The following GLRB variants were observed in gnomAD, a reference collection of about 807,000 sequenced individuals.
The protein encoded by GLRB is glycine receptor beta.
GLRB carries 33 observed loss-of-function variants against 54.2 expected under a neutral mutation model. The ratio of observed to expected loss-of-function variants is 0.61; its 90% CI spans 0.46 to 0.81. The LOEUF (loss-of-function observed/expected upper bound fraction) is 0.81. GLRB is among the 40% of genes least tolerant of loss of function. The probability of loss-of-function intolerance (pLI) is 0.00; values close to 1 mark genes in which losing one functional copy is unlikely to be tolerated. For missense variants in GLRB, 572 were observed against 584.6 expected (o/e 0.98, Z 0.22); for synonymous variants, 209 against 208.2 (o/e 1.00, Z -0.03).
At chr4:157,137,070 A>G (rs1736431488) in intron 6 of GLRB, among the ~76,000 whole-genome samples, 184 bp downstream of exon 6, 1 of 152,200 alleles carries the variant, frequency 6.6e-6, no homozygotes, top group Non-Finnish European at 1.5e-5. Context: ...ACTTGTATTA[A>G]GATAAATCAT....
At position 157,106,326 on chromosome 4, in the gene GLRB, TTC is replaced by T. The variant is rs1241231775; in HGVS notation, c.123-14224_123-14223del. Among the ~76,000 whole-genome samples the T allele has an allele frequency of 1.2e-4, 18 of 152,172 alleles. 1 individual carries two copies. Among genetic ancestry groups the T allele is most frequent in the African/African-American group, 3.6e-4 (15 of 41,464 alleles). The stretch of plus-strand genomic sequence containing the variant: ...GGCTTTTAGCCTGATGCTTTCTCAA[TTC>T]TCTCTGTTTTTGCTCTTGACAATGT... On this transcript the variant is annotated intron_variant, in intron 2 of 9. Transcript: ENST00000264428.
At chr4:157,085,407 C>A (rs888358969) in intron 2 of GLRB, among the ~76,000 whole-genome samples, 1 of 152,040 alleles carries the variant, frequency 6.6e-6, no homozygotes, top group African/African-American at 2.4e-5. Flanking sequence ...TGCCCAGCCA[C>A]CATTATTTTT....
chr4:157,085,232 C>G (rs1221356422), intron 2 of GLRB, among the ~76,000 whole-genome samples: 5 of 151,906 alleles, frequency 3.3e-5, no homozygotes, highest in Non-Finnish European at 7.4e-5. Context: ...TACATCTGCT[C>G]TTACCATTAT....
intron 9 of GLRB, among the ~76,000 whole-genome samples, chr4:157,169,657 A>G (rs564103707): frequency 1.2e-4 from 18 of 152,266 alleles, no homozygotes; most frequent in African/African-American, 3.8e-4. Context: ...ATTTATTGAA[A>G]AAAAGCCCAT....
intron 9 of GLRB, among the ~76,000 whole-genome samples, chr4:157,169,604 T>A (rs1251438394): frequency 6.6e-6 from 1 of 152,122 alleles, no homozygotes; most frequent in Non-Finnish European, 1.5e-5. Flanking sequence ...TTGATCTGCA[T>A]TTGGATGTAA....
chr4:157,127,897 G>T (rs1438020291), intron 4 of GLRB, among the ~76,000 whole-genome samples: 1 of 151,876 alleles, frequency 6.6e-6, no homozygotes, highest in Admixed American at 6.6e-5. Flanking sequence ...GATACTAAAT[G>T]TGTGGTGCTT....
chr4:157,124,035 A>G (rs1285695038), intron 4 of GLRB, among the ~76,000 whole-genome samples: 1 of 151,760 alleles, frequency 6.6e-6, no homozygotes, highest in Non-Finnish European at 1.5e-5. Flanking sequence ...GAATTCTGGT[A>G]GGTCTCATCA....
At chr4:157,163,051 C>A (rs1464557431) in intron 9 of GLRB, among the ~76,000 whole-genome samples, 1 of 152,192 alleles carries the variant, frequency 6.6e-6, no homozygotes, top group Non-Finnish European at 1.5e-5. Context: ...ACCCCTCCCC[C>A]AGCCTCGCTT....
At chr4:157,114,084 G>T (rs1453189810) in intron 2 of GLRB, among the ~76,000 whole-genome samples, 1 of 151,926 alleles carries the variant, frequency 6.6e-6, no homozygotes, top group East Asian at 1.9e-4. Flanking sequence ...GTCTGTCTTT[G>T]TATGTCTATT....
intron 9 of GLRB, among the ~76,000 whole-genome samples, chr4:157,162,974 TG>T (rs1579254870): frequency 6.6e-6 from 1 of 152,252 alleles, no homozygotes; most frequent in East Asian, 1.9e-4. Flanking sequence ...TGTGCTGTGG[TG>T]GGCTCCACCC....
intron 2 of GLRB, among the ~76,000 whole-genome samples, chr4:157,079,063 C>T (rs1560928799): frequency 6.6e-6 from 1 of 152,120 alleles, no homozygotes; most frequent in South Asian, 2.1e-4. Context: ...CGTGGTTCAC[C>T]GCACCTGGCC....
chr4:157,076,810 G>C (rs1260953586), intron 1 of GLRB, among the ~76,000 whole-genome samples: 1 of 151,942 alleles, frequency 6.6e-6, no homozygotes, highest in Non-Finnish European at 1.5e-5. Context: ...TCGGATGGGG[G>C]AAGGGAGCGT....
At chr4:157,162,669 ATGTTGC>A (rs1175305503) in intron 9 of GLRB, among the ~76,000 whole-genome samples, 1 of 152,048 alleles carries the variant, frequency 6.6e-6, no homozygotes, top group African/African-American at 2.4e-5. Context: ...AGAACAGCAA[ATGTTGC>A]TGCCTGATCC....
At chr4:157,168,304 C>T (rs1415661333) in intron 9 of GLRB, among the ~76,000 whole-genome samples, 1 of 152,100 alleles carries the variant, frequency 6.6e-6, no homozygotes, top group Non-Finnish European at 1.5e-5. Flanking sequence ...CAAGAAGCCA[C>T]TTTTTTCACA....
At chr4:157,130,189 CA>C (rs1222766044) in intron 4 of GLRB, among the ~76,000 whole-genome samples, 1 of 151,600 alleles carries the variant, frequency 6.6e-6, no homozygotes, top group Non-Finnish European at 1.5e-5. Flanking sequence ...TAATCCCCTG[CA>C]ATTTTGTTTT....
chr4:157,168,226 C>T (rs184293072), intron 9 of GLRB, among the ~76,000 whole-genome samples: 11 of 152,026 alleles, frequency 7.2e-5, no homozygotes, highest in Admixed American at 2.0e-4. Flanking sequence ...CTCTTTCACA[C>T]TCAGTTGAGC....
chr4:157,086,106 A>C (rs188115425), intron 2 of GLRB, among the ~76,000 whole-genome samples: 57 of 152,236 alleles, frequency 3.7e-4, no homozygotes, highest in Admixed American at 3.6e-3. Context: ...ACTTCGCGTT[A>C]CAGGTATCAG....
chr4:157,142,974 G>A (rs1736672859), intron 7 of GLRB, among the ~76,000 whole-genome samples: 2 of 152,122 alleles, frequency 1.3e-5, no homozygotes, highest in Admixed American at 6.6e-5. Context: ...ATGCAGTACT[G>A]TGAGCATATT....
intron 2 of GLRB, among the ~76,000 whole-genome samples, chr4:157,099,749 A>G (rs1301792323): frequency 6.6e-6 from 1 of 152,216 alleles, no homozygotes; most frequent in Non-Finnish European, 1.5e-5. Flanking sequence ...GTTGAACTTT[A>G]GAAGATATGG....
Sources: gnomAD v4.1 joint callset for allele counts (sites outside exome capture counted in the v4.1 genomes callset) on GRCh38, gnomAD v4.1.1 for gene constraint, MANE v1.5 for transcripts, NCBI Gene and HGNC (gene_info 2026-07-23, HGNC 2026-07-21) for gene names.